The following MALRD1 variants were observed in gnomAD, a reference collection of about 807,000 sequenced individuals.
MALRD1 encodes MAM and LDL-receptor class A domain-containing protein 1.
A neutral mutation model predicts 242.1 loss-of-function variants in MALRD1; 247 were observed. The observed-to-expected ratio is 1.02, with a 90% CI of 0.92 to 1.13. MALRD1 has a LOEUF of 1.13. MALRD1 is among the 50% of genes most tolerant of loss of function. MALRD1 has a pLI of 0.00. For missense variants in MALRD1, 2,989 were observed against 2,533.1 expected, an observed-to-expected ratio of 1.18 and a Z score of -3.86; for synonymous variants, 995 against 866.6, an observed-to-expected ratio of 1.15 and a Z score of -2.60.
chr10:19,084,785 A>C (rs987967434), intron 2 of MALRD1, among the ~76,000 whole-genome samples: 4 of 152,026 alleles, frequency 2.6e-5, no homozygotes, highest in Admixed American at 2.0e-4. Flanking sequence ...AAACTTAACC[A>C]GTAACTGAGA....
At chr10:19,073,714 CT>C (rs1283576242) in intron 2 of MALRD1, among the ~76,000 whole-genome samples, 3 of 152,068 alleles carry the variant, frequency 2.0e-5, no homozygotes, top group African/African-American at 7.2e-5. Context: ...ATCCAAAACA[CT>C]TCTGGTCCCA....
intron 35 of MALRD1, among the ~76,000 whole-genome samples, chr10:19,615,516 C>CAAAAAAAAAA (rs530920512): frequency 0.015 from 552 of 37,154 alleles, 92 homozygotes; most frequent in African/African-American, 0.065. Flanking sequence ...GACCCTGCCT[C>CAAAAAAAAAA]AAAAAAAAAA....
intron 38 of MALRD1, among the ~76,000 whole-genome samples, chr10:19,708,466 T>A (rs1357277658): frequency 8.9e-6 from 1 of 112,738 alleles, no homozygotes; most frequent in African/African-American, 2.8e-5. Context: ...GCCTCCTTAA[T>A]AGCTGCAACC....
At position 19,547,801 on chromosome 10, in the gene MALRD1, TATATATATATATA is replaced by T. The variant is rs1244985513; in HGVS notation, c.5478+16451_5478+16463del. On this transcript the variant is annotated intron_variant, in intron 32 of 39. Transcript: ENST00000454679. ...TCACAGATACATATATATATATATA[TATATATATATATA>T]TATATTTTTTTTTTTTTTTTTTTTT... is the stretch of plus-strand genomic sequence containing the variant. Among the ~76,000 whole-genome samples the T allele has an allele frequency of 2.6e-3, 38 of 14,770 alleles. No individual in the cohort carries two copies. In the East Asian group the frequency reaches 0.029, roughly 11 times the overall value. 9.7% of individuals were successfully genotyped at this position (14,770 alleles called of 152,430 possible).
intron 5 of MALRD1, among the ~76,000 whole-genome samples, chr10:19,105,536 T>C (rs1161339613): frequency 6.6e-6 from 1 of 152,066 alleles, no homozygotes; most frequent in African/African-American, 2.4e-5. Context: ...TCATTTTCTT[T>C]GGATAAATAC....
intron 14 of MALRD1, among the ~76,000 whole-genome samples, chr10:19,196,981 A>G (rs758162465): frequency 4.6e-5 from 7 of 152,212 alleles, no homozygotes; most frequent in South Asian, 2.1e-4. Flanking sequence ...GAGGCTGGGT[A>G]ATTTATAAAG....
Position 19,162,976 on chromosome 10 carries a change from A to C in MALRD1, c.1657-2661A>C, listed in dbSNP as rs181090780. Among the ~76,000 whole-genome samples, 5 of 151,492 alleles carry C rather than the reference A, an allele frequency of 3.3e-5. No individual in the cohort carries two copies. In the East Asian group the frequency reaches 9.8e-4, roughly 30 times the overall value. On this transcript the variant is annotated intron_variant, in intron 12 of 39. Transcript: ENST00000454679. ...GGTGAAACCTTCATCTCTACTAAAAAGTTAAAAAAAAATTAGCTGGGTGTG... is the reference window on the plus strand; with the variant it reads ...GGTGAAACCTTCATCTCTACTAAAACGTTAAAAAAAAATTAGCTGGGTGTG...
intron 18 of MALRD1, among the ~76,000 whole-genome samples, chr10:19,255,005 C>G (rs1424957415): frequency 1.3e-5 from 2 of 151,886 alleles, no homozygotes; most frequent in African/African-American, 4.8e-5. Flanking sequence ...AGGATGAGTT[C>G]AGGAAAGTTG....
At chr10:19,102,073 T>TA (rs113814881) in intron 4 of MALRD1, among the ~76,000 whole-genome samples, 9 of 143,092 alleles carry the variant, frequency 6.3e-5, no homozygotes, top group South Asian at 2.2e-4. Context: ...AATTATAACA[T>TA]ATATATGGTA....
At chr10:19,433,858 C>A (rs1004044467) in intron 28 of MALRD1, among the ~76,000 whole-genome samples, 3 of 151,782 alleles carry the variant, frequency 2.0e-5, no homozygotes, top group Non-Finnish European at 2.9e-5. Flanking sequence ...CCTTTGCCAG[C>A]AGTTATATGG....
At position 19,238,507 on chromosome 10, in the gene MALRD1, T is replaced by TAC. The variant is rs1422126241; in HGVS notation, c.2992-19176_2992-19175insCA. 5.3e-4 allele frequency among the ~76,000 whole-genome samples: 28 copies of TAC among 52,386 alleles called. 6 individuals carry two copies. Among genetic ancestry groups the TAC allele is most frequent in the South Asian group, 3.5e-3 (8 of 2,280 alleles). The allele number at this position is 52,386 out of a possible 152,430, so 34.4% of individuals were successfully genotyped here. On this transcript the variant is annotated intron_variant, in intron 18 of 39. Transcript: ENST00000454679. The stretch of plus-strand genomic sequence containing the variant: ...ATTATATATAATATATAATATAATA[T>TAC]ATAATGTATATTATATATAATATAC...
chr10:19,225,644 C>A (rs938685907), intron 18 of MALRD1, among the ~76,000 whole-genome samples: 2 of 152,050 alleles, frequency 1.3e-5, no homozygotes, highest in Admixed American at 6.6e-5. Flanking sequence ...TTCTACAGAG[C>A]CAACCTACAC....
intron 38 of MALRD1, among the ~76,000 whole-genome samples, chr10:19,692,851 TTATA>T (rs1171546527): frequency 9.2e-6 from 1 of 108,670 alleles, no homozygotes; most frequent in African/African-American, 4.0e-5. Flanking sequence ...TATATGAAAT[TTATA>T]TATAGATGAA....
chr10:19,597,125 C>T (rs1838136777), intron 34 of MALRD1, among the ~76,000 whole-genome samples: 1 of 152,158 alleles, frequency 6.6e-6, no homozygotes, highest in Non-Finnish European at 1.5e-5. Flanking sequence ...TATATTCTCT[C>T]TGAGATAAAG....
chr10:19,719,177 TATATATATATATACATAC>T (rs1834576990), intron 38 of MALRD1, among the ~76,000 whole-genome samples: 4 of 92,644 alleles, frequency 4.3e-5, no homozygotes, highest in African/African-American at 2.1e-4. Context: ...TATACATACA[TATATATATATATACATAC>T]ATATATATAT....
At chr10:19,605,665 A>G (rs1207802851) in intron 34 of MALRD1, among the ~76,000 whole-genome samples, 3 of 152,050 alleles carry the variant, frequency 2.0e-5, no homozygotes, top group African/African-American at 4.8e-5. Flanking sequence ...ATATATTTCA[A>G]TATTCTGGTC....
rs1232963850 is a variant in MALRD1, at chr10:19,205,084, T to A, written c.2397T>A (p.Ile799=). The A allele has an allele frequency of 2.0e-5, 31 of 1,550,574 alleles. No homozygotes were observed. Among genetic ancestry groups the A allele is most frequent in the Non-Finnish European group, 2.4e-5 (28 of 1,147,010 alleles). ...CACTAGATAAAGTCAGTCTGGGCATTTATGATGGGGTCTCAGCTATTGATG... is the reference window on the plus strand; with the variant it reads ...CACTAGATAAAGTCAGTCTGGGCATATATGATGGGGTCTCAGCTATTGATG... ...HLSLDKVSLG[I]YDGVSAIDDI... Residue 799 remains isoleucine, a synonymous_variant, in exon 17 of 40, where the codon ATT becomes ATA. Coordinates refer to ENST00000454679, the MANE Select transcript of MALRD1 (RefSeq NM_001142308.3).
intron 36 of MALRD1, among the ~76,000 whole-genome samples, chr10:19,655,849 GTGTC>G (rs1841132144): frequency 6.6e-6 from 1 of 152,036 alleles, no homozygotes; most frequent in Non-Finnish European, 1.5e-5. Context: ...TGGGGACAGA[GTGTC>G]TGAGTAAGTA....
chr10:19,403,349 T>C (rs879278568), intron 28 of MALRD1, among the ~76,000 whole-genome samples: 8 of 152,206 alleles, frequency 5.3e-5, no homozygotes, highest in Non-Finnish European at 1.2e-4. Flanking sequence ...ATTAGGGTTT[T>C]GCCATTAAAA....
Sources: allele counts gnomAD v4.1 joint callset (sites outside exome capture counted in the v4.1 genomes callset), GRCh38; gene constraint gnomAD v4.1.1; transcripts MANE v1.5; gene names NCBI Gene and HGNC (gene_info 2026-07-23, HGNC 2026-07-21).